The following JARID2 variants were observed in gnomAD, a reference collection of about 807,000 sequenced individuals.
JARID2 encodes protein Jumonji.
In JARID2, 21 loss-of-function variants were observed where a neutral mutation model predicts 125.6. The observed-to-expected ratio is 0.17, with a 90% CI of 0.12 to 0.24. JARID2 has a LOEUF of 0.24. Ranked by LOEUF, JARID2 falls within the 10% of genes least tolerant of loss-of-function variation. JARID2 has a pLI of 1.00. For missense variants in JARID2, 1,303 were observed against 1,639.6 expected, an observed-to-expected ratio of 0.79 and a Z score of 3.55; for synonymous variants, 736 against 661.6, an observed-to-expected ratio of 1.11 and a Z score of -1.73.
intron 3 of JARID2, among the ~76,000 whole-genome samples, chr6:15,432,750 C>G (rs1362146773): frequency 6.6e-6 from 1 of 152,114 alleles, no homozygotes; most frequent in Non-Finnish European, 1.5e-5. Flanking sequence ...CCCTCCAGAC[C>G]CTGTTCTCCT....
chr6:15,507,308 C>T (rs770294644), intron 10 of JARID2, 38 bp from the exon 11 acceptor site: 4 of 1,608,234 alleles, frequency 2.5e-6, no homozygotes, highest in Admixed American at 1.7e-5. Flanking sequence ...CATCCTTTCC[C>T]CGCCAGTTTG....
chr6:15,414,059 A>T (rs548404858), intron 3 of JARID2, among the ~76,000 whole-genome samples: 29 of 152,284 alleles, frequency 1.9e-4, no homozygotes, highest in African/African-American at 6.5e-4. Context: ...TACTCTACAC[A>T]TCCTTTTATG....
intron 3 of JARID2, among the ~76,000 whole-genome samples, chr6:15,436,206 C>T (rs1050606544): frequency 2.6e-5 from 4 of 152,186 alleles, no homozygotes; most frequent in African/African-American, 9.7e-5. Flanking sequence ...ACCCATGATC[C>T]TACCCTTGGT....
intron 1 of JARID2, among the ~76,000 whole-genome samples, chr6:15,346,170 T>A (rs1157247388): frequency 6.6e-6 from 1 of 152,234 alleles, no homozygotes; most frequent in Non-Finnish European, 1.5e-5. Context: ...TTTTGTGGCA[T>A]AAAATAGTTT....
intron 1 of JARID2, among the ~76,000 whole-genome samples, chr6:15,317,323 G>T (rs1264269025): frequency 6.6e-6 from 1 of 152,138 alleles, no homozygotes; most frequent in Non-Finnish European, 1.5e-5. Flanking sequence ...TCTCATTTAG[G>T]ATAATAGTTT....
rs996240256 is a variant in JARID2, at chr6:15,497,181, G to A, written c.1945+11G>A. 2.6e-6 allele frequency: 4 copies of A among 1,530,876 alleles called. No individual in the cohort carries two copies. Among genetic ancestry groups the A allele is most frequent in the South Asian group, 1.2e-5 (1 of 80,956 alleles). The allele number at this position is 1,530,876 out of a possible 1,614,324, so 94.8% of individuals were successfully genotyped here. ...AGCTCCCGCTCATAGGTAGGTCTGGGCGGGGGGTCAGGGGGTGGTGCCTGC... is the reference window on the plus strand; with the variant it reads ...AGCTCCCGCTCATAGGTAGGTCTGGACGGGGGGTCAGGGGGTGGTGCCTGC... On this transcript the variant is annotated intron_variant, in intron 7 of 17. Transcript: ENST00000341776.
intron 3 of JARID2, among the ~76,000 whole-genome samples, chr6:15,430,162 T>G (rs1057394621): frequency 1.3e-5 from 2 of 152,232 alleles, no homozygotes; most frequent in African/African-American, 4.8e-5. Flanking sequence ...AAATAATGTC[T>G]TATAAGGATG....
chr6:15,259,831 C>T lies in JARID2; in HGVS notation c.45+13247C>T, dbSNP rs181557720. On this transcript the variant is annotated intron_variant, in intron 1 of 17. Transcript: ENST00000341776. Reference sequence around the variant, plus strand: ...ATTCTAAAAAAGGATTTTAAAGCCACGATGAGCTGTCATTCCAGGAGCAAA... The same window carrying T: ...ATTCTAAAAAAGGATTTTAAAGCCATGATGAGCTGTCATTCCAGGAGCAAA... 9.9e-5 allele frequency among the ~76,000 whole-genome samples: 15 copies of T among 152,272 alleles called. 1 individual carries two copies. Among genetic ancestry groups the T allele is most frequent in the Admixed American group, 3.3e-4 (5 of 15,302 alleles).
At chr6:15,340,304 A>G (rs1010213797) in intron 1 of JARID2, among the ~76,000 whole-genome samples, 4 of 152,234 alleles carry the variant, frequency 2.6e-5, no homozygotes, top group African/African-American at 9.6e-5. Context: ...AAGGAAGCTG[A>G]TGTCCAGTGA....
intron 6 of JARID2, among the ~76,000 whole-genome samples, chr6:15,490,563 T>A (rs894906960): frequency 2.0e-5 from 3 of 152,228 alleles, no homozygotes; most frequent in African/African-American, 7.2e-5. Context: ...CCGTTTACTC[T>A]CGATTATACC....
intron 3 of JARID2, among the ~76,000 whole-genome samples, chr6:15,434,461 A>G (rs1330687262): frequency 6.6e-6 from 1 of 152,152 alleles, no homozygotes; most frequent in Non-Finnish European, 1.5e-5. Flanking sequence ...GTCAGCTGTC[A>G]TCTTTGTTTA....
intron 2 of JARID2, chr6:15,400,934 A>T: frequency 7.8e-7 from 1 of 1,289,376 alleles, no homozygotes; most frequent in Non-Finnish European, 1.0e-6. Flanking sequence ...TCTCTCTGCA[A>T]TGATCCGGCT....
chr6:15,455,427 A>G (rs1055226950), intron 4 of JARID2, among the ~76,000 whole-genome samples: 17 of 152,130 alleles, frequency 1.1e-4, no homozygotes, highest in Admixed American at 9.8e-4. Flanking sequence ...GGGTGTTGCT[A>G]ACTGTAGGCA....
chr6:15,403,554 CAA>C (rs902542770), intron 2 of JARID2, among the ~76,000 whole-genome samples: 2 of 152,128 alleles, frequency 1.3e-5, no homozygotes, highest in African/African-American at 4.8e-5. Flanking sequence ...CTATCTTTCT[CAA>C]AGAGTCATTT....
intron 1 of JARID2, among the ~76,000 whole-genome samples, chr6:15,311,698 A>C (rs538145773): frequency 6.6e-6 from 1 of 152,156 alleles, no homozygotes; most frequent in South Asian, 2.1e-4. Context: ...CACAAGCCAC[A>C]GATGGCACTC....
chr6:15,273,761 C>T (rs577324511), intron 1 of JARID2, among the ~76,000 whole-genome samples: 1 of 152,148 alleles, frequency 6.6e-6, no homozygotes, highest in East Asian at 1.9e-4. Context: ...TCTTGAAGCA[C>T]GATTTTTCGA....
intron 1 of JARID2, among the ~76,000 whole-genome samples, chr6:15,281,221 CTT>C (rs1403208912): frequency 6.6e-6 from 1 of 152,292 alleles, no homozygotes; most frequent in East Asian, 1.9e-4. Context: ...GGTTGCAACC[CTT>C]TTATTCTAAT....
At chr6:15,329,663 A>G (rs1295657199) in intron 1 of JARID2, among the ~76,000 whole-genome samples, 1 of 152,212 alleles carries the variant, frequency 6.6e-6, no homozygotes, top group African/African-American at 2.4e-5. Context: ...TTCGGATTTT[A>G]TCTTCCCATT....
chr6:15,279,413 C>T (rs1413388432), intron 1 of JARID2, among the ~76,000 whole-genome samples: 3 of 152,158 alleles, frequency 2.0e-5, no homozygotes. Flanking sequence ...CCTGACTTTT[C>T]ATATGTGTAT....
Sources: allele counts gnomAD v4.1 joint callset (sites outside exome capture counted in the v4.1 genomes callset), GRCh38; gene constraint gnomAD v4.1.1; transcripts MANE v1.5; gene names NCBI Gene and HGNC (gene_info 2026-07-23, HGNC 2026-07-21).